BAX: variants seen among roughly 807,000 people sequenced by gnomAD.
BAX encodes apoptosis regulator BAX.
In BAX, 21 loss-of-function variants were observed where a neutral mutation model predicts 26.8. The ratio of observed to expected loss-of-function variants is 0.78; its 90% CI spans 0.56 to 1.13. BAX has a LOEUF of 1.13. Ranked by LOEUF, BAX falls within the 50% of genes most tolerant of loss-of-function variation. The probability of loss-of-function intolerance (pLI) is 0.00; values close to 1 mark genes in which losing one functional copy is unlikely to be tolerated. For missense variants in BAX, 236 were observed against 254.6 expected, an observed-to-expected ratio of 0.93 and a Z score of 0.50; for synonymous variants, 110 against 101.8, an observed-to-expected ratio of 1.08 and a Z score of -0.49.
At position 48,956,399 on chromosome 19, in the gene BAX, G is replaced by A. The variant is rs1158593391; in HGVS notation, c.369+66G>A. 6 of 1,442,708 alleles carry A rather than the reference G, an allele frequency of 4.2e-6. No individual in the cohort carries two copies. In the African/African-American group the frequency reaches 4.4e-5, roughly 11 times the overall value. The allele number at this position is 1,442,708 out of a possible 1,614,324, so 89.4% of individuals were successfully genotyped here. A position where few individuals can be genotyped will look rare whatever the true frequency, so the allele number is the denominator to read the frequency against. On this transcript the variant is annotated intron_variant, in intron 4 of 5. Transcript: ENST00000345358. ...TCAGATCTGTGAGGACCTGGGGATC[G>A]TGGTATCAACCCCCTGCAGTGGCCC...
chr19:48,955,507 C>A, intron 1 of BAX, 41 bp from the exon 2 acceptor site: 1 of 1,595,192 alleles, frequency 6.3e-7, no homozygotes, highest in Admixed American at 1.7e-5. Flanking sequence ...TCCCCTAGAA[C>A]CCAAGAGTCC....
At chr19:48,961,429 C>A in intron 5 of BAX, 103 bp from the exon 6 acceptor site, 1 of 1,241,774 alleles carries the variant, frequency 8.1e-7, no homozygotes, top group Non-Finnish European at 1.1e-6. Context: ...GTCCCCTGCC[C>A]GCAATCCTGC....
intron 1 of BAX, chr19:48,955,181 G>C: frequency 1.9e-6 from 1 of 533,870 alleles, no homozygotes; most frequent in Non-Finnish European, 2.9e-6. Flanking sequence ...TCGGACCCTC[G>C]AGAACCAGGG....
At position 48,954,877 on chromosome 19, in the gene BAX, G is replaced by T. The variant is rs1309746236; in HGVS notation, c.-52G>T. 8.2e-7 allele frequency: 1 copy of T among 1,221,444 alleles called. No homozygotes were observed. Among genetic ancestry groups the T allele is most frequent in the Non-Finnish European group, 1.0e-6 (1 of 979,864 alleles). The allele number at this position is 1,221,444 out of a possible 1,614,324, so 75.7% of individuals were successfully genotyped here. On this transcript the variant is annotated 5_prime_UTR_variant, in exon 1 of 6. Transcript: ENST00000345358. Reference sequence around the variant, plus strand: ...CGGGGCTCTCACGTGACCCGGGCGCGCTGCGGCCGCCCGCGCGGACCCGGC... The same window carrying T: ...CGGGGCTCTCACGTGACCCGGGCGCTCTGCGGCCGCCCGCGCGGACCCGGC...
At chr19:48,956,652 ATTTTTTT>A (rs746344180) in intron 4 of BAX, among the ~76,000 whole-genome samples, 71 of 118,178 alleles carry the variant, frequency 6.0e-4, no homozygotes, top group African/African-American at 2.1e-3. Flanking sequence ...AAAGATTTCT[ATTTTTTT>A]TTTTTTTTTT....
In BAX at chr19:48,955,509, C is replaced by G. The variant is rs1013958516; in HGVS notation, c.35-39C>G. 1.9e-6 allele frequency: 3 copies of G among 1,597,112 alleles called. No individual in the cohort carries two copies. The African/African-American group carries it at 4.0e-5, about 21-fold the overall frequency. ...CACAGTCTCCTGATCCCCTAGAACC[C>G]AAGAGTCCAGGTACCTCTTCCCTTC... is the stretch of plus-strand genomic sequence containing the variant. On this transcript the variant is annotated intron_variant, in intron 1 of 5. Coordinates refer to ENST00000345358, the MANE Select transcript of BAX (RefSeq NM_138761.4).
Position 48,956,335 on chromosome 19 carries a change from T to TG in BAX, c.369+5dup. The TG allele has an allele frequency of 1.3e-6, 2 of 1,559,210 alleles. No individual in the cohort carries two copies. The highest frequency in any genetic ancestry group is 1.7e-6 in the Non-Finnish European group (2 of 1,152,522). On this transcript the variant is annotated splice_region_variant and intron_variant, in intron 4 of 5. Transcript: ENST00000345358. ...TTTGCCAGCAAACTGGTGCTCAAGGTGGGCAGCTGCAGGGCAGTGAGCCCA... is the reference window on the plus strand; with the variant it reads ...TTTGCCAGCAAACTGGTGCTCAAGGTGGGGCAGCTGCAGGGCAGTGAGCCCA...
At chr19:48,954,993 G>A in intron 1 of BAX, 31 bp downstream of exon 1, 1 of 1,240,238 alleles carries the variant, frequency 8.1e-7, no homozygotes. Context: ...GCGGGAGGAG[G>A]GCGAGCCCCC....
intron 5 of BAX, chr19:48,961,195 C>T (rs1476577273): frequency 9.7e-5 from 145 of 1,495,808 alleles, no homozygotes; most frequent in South Asian, 2.5e-4. Context: ...CTGGAGCCTC[C>T]ACTGCCTCTG....
intron 4 of BAX, among the ~76,000 whole-genome samples, chr19:48,957,265 CTT>C (rs61415800): frequency 1.8e-3 from 97 of 54,932 alleles, no homozygotes; most frequent in African/African-American, 7.2e-3. Flanking sequence ...TTTTTCTTTT[CTT>C]TTTTTTTTTT....
At chr19:48,959,317 C>A (rs1280623298) in intron 4 of BAX, among the ~76,000 whole-genome samples, 1 of 139,600 alleles carries the variant, frequency 7.2e-6, no homozygotes, top group African/African-American at 2.7e-5. Context: ...CCACTGCACT[C>A]CAGCCTGGAG....
chr19:48,956,254 C>T lies in BAX; in HGVS notation c.290C>T (p.Ala97Val). 6.3e-7 allele frequency: 1 copy of T among 1,591,078 alleles called. No individual in the cohort carries two copies. Among genetic ancestry groups the T allele is most frequent in the South Asian group, 1.1e-5 (1 of 88,274 alleles). Residue 97 changes from alanine (A) to valine (V), a missense_variant, in exon 4 of 6, where the codon GCT becomes GTT. Transcript: ENST00000345358. ...CGAGAGGTCTTTTTCCGAGTGGCAG[C>T]TGACATGTTTTCTGACGGCAACTTC... ...SPREVFFRVA[A>V]DMFSDGNFNW...
intron 1 of BAX, 87 bp from the exon 2 acceptor site, chr19:48,955,461 C>T: frequency 1.4e-6 from 2 of 1,457,550 alleles, no homozygotes; most frequent in Admixed American, 2.2e-5. Flanking sequence ...CAGCTCTGTC[C>T]TCCCTCAGGG....
chr19:48,958,192 A>T (rs1486336149), intron 4 of BAX, among the ~76,000 whole-genome samples: 1 of 151,438 alleles, frequency 6.6e-6, no homozygotes, highest in Admixed American at 6.6e-5. Context: ...GGGGTCAAGC[A>T]GTTCTCTCGC....
At chr19:48,955,325 C>T (rs992567049) in intron 1 of BAX, 1 of 511,494 alleles carries the variant, frequency 2.0e-6, no homozygotes, top group Non-Finnish European at 3.3e-6. Context: ...TAGCGTTCCC[C>T]TAGCCTCTTT....
In BAX at chr19:48,954,896, A is replaced by C; in HGVS notation, c.-33A>C. ...GGGCGCGCTGCGGCCGCCCGCGCGG[A>C]CCCGGCGAGAGGCGGCGGCGGGAGC... On this transcript the variant is annotated 5_prime_UTR_variant, in exon 1 of 6. Transcript: ENST00000345358. 4.9e-6 allele frequency: 6 copies of C among 1,226,978 alleles called. No individual in the cohort carries two copies. Among genetic ancestry groups the C allele is most frequent in the Non-Finnish European group, 6.1e-6 (6 of 984,584 alleles). The allele number at this position is 1,226,978 out of a possible 1,614,324, so 76.0% of individuals were successfully genotyped here.
chr19:48,961,197 C>T (rs1279570011), intron 5 of BAX: 1 of 1,493,730 alleles, frequency 6.7e-7, no homozygotes, highest in Admixed American at 2.3e-5. Flanking sequence ...GGAGCCTCCA[C>T]TGCCTCTGGA....
At chr19:48,959,356 A>T (rs2038261095) in intron 4 of BAX, among the ~76,000 whole-genome samples, 1 of 150,190 alleles carries the variant, frequency 6.7e-6, no homozygotes, top group Non-Finnish European at 1.5e-5. Context: ...TCTCAAAAAA[A>T]AAAAAAAAAA....
chr19:48,957,274 T>TTC (rs1251228919), intron 4 of BAX, among the ~76,000 whole-genome samples: 2 of 119,842 alleles, frequency 1.7e-5, no homozygotes, highest in African/African-American at 6.1e-5. Flanking sequence ...TCTTTTTTTT[T>TTC]TTTTTTTTTT....
Sources: gnomAD v4.1 joint callset for allele counts (sites outside exome capture counted in the v4.1 genomes callset) on GRCh38, gnomAD v4.1.1 for gene constraint, MANE v1.5 for transcripts, NCBI Gene and HGNC (gene_info 2026-07-23, HGNC 2026-07-21) for gene names.